The following RNF17 variants were observed in gnomAD, a reference collection of about 807,000 sequenced individuals.
RNF17 encodes ring finger protein 17, also known as spermatogenesis associated 23.
Under a neutral mutation model 200.5 loss-of-function variants are expected in RNF17, and 31 were observed. The ratio of observed to expected loss-of-function variants is 0.15; its 90% confidence interval spans 0.12 to 0.21. The LOEUF (loss-of-function observed/expected upper bound fraction) is 0.21. Ranked by LOEUF, RNF17 falls within the 10% of genes least tolerant of loss-of-function variation. RNF17 has a pLI of 1.00. For missense variants in RNF17, 1,628 were observed against 1,905.1 expected (o/e 0.85, Z 2.71); for synonymous variants, 606 against 637.8 (o/e 0.95, Z 0.75).
In RNF17 at chr13:24,868,720, T is replaced by G; in HGVS notation, c.4278+4T>G. The G allele has an allele frequency of 7.2e-7, 1 of 1,396,646 alleles. No individual in the cohort carries two copies. The highest frequency in any genetic ancestry group is 1.4e-5 in the African/African-American group (1 of 70,724). The allele number at this position is 1,396,646 out of a possible 1,614,324, so 86.5% of individuals were successfully genotyped here. A position where few individuals can be genotyped will look rare whatever the true frequency, so the allele number is the denominator to read the frequency against. ...GCACGTTGTCTCACCTAATGAAGTA[T>G]GTGATCTAAATGATTAGTTGGTGAT... On this transcript the variant is annotated splice_donor_region_variant and intron_variant, in intron 31 of 35. Coordinates refer to ENST00000255324, the MANE Select transcript of RNF17 (RefSeq NM_031277.3).
chr13:24,863,287 A>G (rs1401975023), intron 28 of RNF17, among the ~76,000 whole-genome samples: 1 of 152,224 alleles, frequency 6.6e-6, no homozygotes, highest in East Asian at 1.9e-4. Context: ...ATAGGAATTT[A>G]GAGATGGTGA....
chr13:24,789,595 A>G (rs1000579494), intron 8 of RNF17, 103 bp from the exon 9 acceptor site: 5 of 923,368 alleles, frequency 5.4e-6, no homozygotes, highest in African/African-American at 3.3e-5. Flanking sequence ...AGTTATTTAA[A>G]TGTTTCCTTT....
chr13:24,862,640 G>T (rs200002229), intron 27 of RNF17, 73 bp from the exon 28 acceptor site: 131 of 884,764 alleles, frequency 1.5e-4, no homozygotes. Flanking sequence ...GGCTACTTTT[G>T]TGTATCTTAA....
At chr13:24,861,425 A>G (rs568285872) in intron 27 of RNF17, 38 bp downstream of exon 27, 3 of 1,314,166 alleles carry the variant, frequency 2.3e-6, no homozygotes, top group Non-Finnish European at 3.1e-6. Flanking sequence ...TTAATTTTAA[A>G]TATTAGTTTT....
chr13:24,873,308 G>A (rs780914133), intron 32 of RNF17, among the ~76,000 whole-genome samples: 8 of 152,144 alleles, frequency 5.3e-5, no homozygotes, highest in Non-Finnish European at 1.0e-4. Flanking sequence ...AGGAATTAGT[G>A]AACAAAGGCT....
At chr13:24,870,460 G>A in intron 31 of RNF17, 111 bp from the exon 32 acceptor site, 1 of 794,496 alleles carries the variant, frequency 1.3e-6, no homozygotes, top group South Asian at 1.7e-5. Flanking sequence ...AGGAGGTGTA[G>A]GGGTCTCTGG....
chr13:24,859,162 A>C lies in RNF17; in HGVS notation c.3772A>C (p.Arg1258=), dbSNP rs1426472812. ...GATGGAGGTTGTAGGTGGCGCTGTC[A>C]GAGTGAGTCTGATATTCTTTTGTGA... is the stretch of plus-strand genomic sequence containing the variant. ...KVMEVVGGAV[R]VQYLDHGFTE... The change falls in exon 26 of 36, where the codon AGA becomes CGA. Residue 1258 remains arginine, a splice_region_variant and synonymous_variant. Transcript: ENST00000255324. 3 of 1,586,480 alleles carry C rather than the reference A, an allele frequency of 1.9e-6. No homozygotes were observed. The highest frequency in any genetic ancestry group is 2.6e-6 in the Non-Finnish European group (3 of 1,164,070).
At chr13:24,866,028 A>G (rs558902022) in intron 29 of RNF17, 116 bp from the exon 30 acceptor site, 6 of 658,372 alleles carry the variant, frequency 9.1e-6, no homozygotes, top group Non-Finnish European at 1.6e-5. Flanking sequence ...TTGATCTGAA[A>G]TAAATAAATG....
At chr13:24,781,753 C>T (rs1882402217) in intron 5 of RNF17, 91 bp from the exon 6 acceptor site, 2 of 815,076 alleles carry the variant, frequency 2.5e-6, no homozygotes, top group African/African-American at 3.5e-5. Context: ...TTTGAAGAGT[C>T]TAGAAAGTAC....
At chr13:24,862,070 C>G (rs933198168) in intron 27 of RNF17, among the ~76,000 whole-genome samples, 1 of 152,170 alleles carries the variant, frequency 6.6e-6, no homozygotes, top group African/African-American at 2.4e-5. Flanking sequence ...TGAGAACTCA[C>G]AATCAGCATG....
intron 27 of RNF17, among the ~76,000 whole-genome samples, chr13:24,862,334 G>T (rs932998536): frequency 4.6e-5 from 7 of 152,156 alleles, no homozygotes; most frequent in Admixed American, 4.6e-4. Context: ...ACCTCTCAAC[G>T]CATAAAGACG....
At chr13:24,884,147 G>A (rs368368851), downstream of RNF17, 4 of 1,613,770 alleles carry the variant, frequency 2.5e-6, no homozygotes, top group African/African-American at 5.3e-5. Context: ...TGAGAGGGTG[G>A]AGCAAGTTTG....
rs1202170400 is a variant in RNF17 at position 24,853,924 on chromosome 13, T to C, written c.3390T>C (p.Asp1130=). 6.2e-7 allele frequency: 1 copy of C among 1,613,816 alleles called. No homozygotes were observed. Residue 1130 remains aspartate, a synonymous_variant, in exon 25 of 36, where the codon GAT becomes GAC. Coordinates refer to ENST00000255324, the MANE Select transcript of RNF17 (RefSeq NM_031277.3). ...KSLEVPLEQE[D]SVVTNCIKTN... is the part of the protein sequence containing the mutation. ...TGGAAGTCCCCCTGGAACAGGAAGA[T>C]TCAGTAGTTACTAACTGTATTAAAA... is the stretch of plus-strand genomic sequence containing the variant.
rs59493601 is a variant in RNF17, at chr13:24,797,705, A to AGTTTGTGTGT, written c.1399+1412_1399+1413insTTGTGTGTGT. Reference sequence around the variant, plus strand: ...GAGAGAGAGAGAGAGAGAGACAAAGAGTGTGTGTGTGTGTGTGTGTGTGTG... The same window carrying AGTTTGTGTGT: ...GAGAGAGAGAGAGAGAGAGACAAAGAGTTTGTGTGTGTGTGTGTGTGTGTGTGTGTGTGTG... On this transcript the variant is annotated intron_variant, in intron 11 of 35. Coordinates refer to ENST00000255324, the MANE Select transcript of RNF17 (RefSeq NM_031277.3). Among the ~76,000 whole-genome samples, 50 of 119,098 alleles carry AGTTTGTGTGT rather than the reference A, an allele frequency of 4.2e-4. 1 individual carries two copies. The highest frequency in any genetic ancestry group is 8.2e-3 in the Middle Eastern group (2 of 244). 78.1% of individuals were successfully genotyped at this position (119,098 alleles called of 152,430 possible).
the RNF17 span, among the ~76,000 whole-genome samples, chr13:24,754,135 G>C: frequency 6.6e-6 from 1 of 151,444 alleles, no homozygotes; most frequent in African/African-American, 2.4e-5. Context: ...TCCAGCCTGG[G>C]CGACAGAGCC....
chr13:24,870,588 T>A lies in RNF17; in HGVS notation c.4296T>A (p.Asp1432Glu). 6.2e-7 allele frequency: 1 copy of A among 1,613,162 alleles called. No individual in the cohort carries two copies. The highest frequency in any genetic ancestry group is 8.5e-7 in the Non-Finnish European group (1 of 1,179,660). The change falls in exon 32 of 36, where the codon GAT (aspartate) becomes GAA (glutamate). Residue 1432 changes from aspartate to glutamate, a missense_variant. Physicochemically the swap from Asp to Glu is conservative, Grantham distance 45. Transcript: ENST00000255324. ...VSPNEVYICL[D>E]SIETSNQSNQ... is the part of the protein sequence containing the mutation. ...CCACTTAGGTGTATATTTGCCTTGATTCTATAGAAACTTCTAACCAGTCTA... is the reference window on the plus strand; with the variant it reads ...CCACTTAGGTGTATATTTGCCTTGAATCTATAGAAACTTCTAACCAGTCTA...
upstream of RNF17, among the ~76,000 whole-genome samples, chr13:24,763,574 C>T (rs1272209971): frequency 6.6e-6 from 1 of 151,910 alleles, no homozygotes; most frequent in Non-Finnish European, 1.5e-5. Context: ...CTTATTTTGG[C>T]GGAAGTTACT....
chr13:24,871,977 TTTTTTTTG>T, intron 32 of RNF17, among the ~76,000 whole-genome samples: 1 of 123,128 alleles, frequency 8.1e-6, no homozygotes, highest in East Asian at 2.3e-4. Flanking sequence ...TTTTTTTTTT[TTTTTTTTG>T]AAGACGGAGT....
chr13:24,760,065 C>T (rs1198961591), upstream of RNF17, among the ~76,000 whole-genome samples: 2 of 152,004 alleles, frequency 1.3e-5, no homozygotes, highest in African/African-American at 2.4e-5. Context: ...TGCTTGAACC[C>T]GGGAGGCAGA....
Sources: gnomAD v4.1 joint callset for allele counts (sites outside exome capture counted in the v4.1 genomes callset) on GRCh38, gnomAD v4.1.1 for gene constraint, MANE v1.5 for transcripts, NCBI Gene and HGNC (gene_info 2026-07-23, HGNC 2026-07-21) for gene names.